The following EYS variants were observed in gnomAD, a reference collection of about 807,000 sequenced individuals.
EYS encodes the protein EGF-like photoreceptor maintenance factor, also known as protein eyes shut homolog.
In EYS, 250 loss-of-function variants were observed where a neutral mutation model predicts 282.1. The ratio of observed to expected loss-of-function variants is 0.89; its 90% CI spans 0.80 to 0.98. EYS has a LOEUF of 0.98. EYS is among the 50% of genes least tolerant of loss of function. The probability of loss-of-function intolerance (pLI) is 0.00; values close to 1 mark genes in which losing one functional copy is unlikely to be tolerated. For synonymous variants in EYS, 1,355 were observed against 1,282.9 expected (o/e 1.06, Z -1.20); for missense variants, 4,016 against 3,709.0 (o/e 1.08, Z -2.15).
At chr6:65,472,214 A>T (rs762688260) in intron 5 of EYS, among the ~76,000 whole-genome samples, 3 of 152,126 alleles carry the variant, frequency 2.0e-5, no homozygotes, top group East Asian at 1.9e-4. Flanking sequence ...CCAATGTTGA[A>T]GATGAAATGT....
intron 28 of EYS, among the ~76,000 whole-genome samples, chr6:64,425,504 A>G (rs1774374046): frequency 6.6e-6 from 1 of 151,978 alleles, no homozygotes; most frequent in African/African-American, 2.4e-5. Flanking sequence ...AAAATCCAAA[A>G]TTAGCCGGGT....
chr6:65,299,120 C>T (rs1195210317), intron 11 of EYS, among the ~76,000 whole-genome samples: 1 of 152,030 alleles, frequency 6.6e-6, no homozygotes, highest in East Asian at 1.9e-4. Flanking sequence ...GAATGCCGGG[C>T]TTCCCAAACA....
chr6:64,367,066 G>A lies in EYS; in HGVS notation c.6078+21624C>T, dbSNP rs556406417. Among the ~76,000 whole-genome samples, 21 of 152,096 alleles carry A rather than the reference G, an allele frequency of 1.4e-4. No homozygotes were observed. The East Asian group carries it at 3.7e-3, about 27-fold the overall frequency. The stretch of plus-strand genomic sequence containing the variant: ...AAAAAATAGTTACAGAACAATGGTC[G>A]AATCCCAAGTGATTTCACCAAATTT... On this transcript the variant is annotated intron_variant, in intron 29 of 42. Coordinates refer to ENST00000503581, the MANE Select transcript of EYS (RefSeq NM_001142800.2).
intron 35 of EYS, among the ~76,000 whole-genome samples, chr6:63,876,717 T>C (rs1321992039): frequency 6.6e-6 from 1 of 152,244 alleles, no homozygotes; most frequent in Non-Finnish European, 1.5e-5. Flanking sequence ...TTTAACATTA[T>C]ATAATGGCCT....
intron 22 of EYS, among the ~76,000 whole-genome samples, chr6:64,801,829 A>C (rs1233811348): frequency 1.3e-5 from 2 of 152,036 alleles, no homozygotes; most frequent in Non-Finnish European, 2.9e-5. Flanking sequence ...TGGACATGGT[A>C]GAAAGAAATG....
chr6:64,245,032 G>C (rs1028750576), intron 30 of EYS, among the ~76,000 whole-genome samples: 4 of 135,046 alleles, frequency 3.0e-5, no homozygotes, highest in African/African-American at 1.1e-4. Context: ...CTGTGTCCAA[G>C]TGTTCTCATT....
intron 13 of EYS, among the ~76,000 whole-genome samples, chr6:65,035,485 G>A (rs148877842): frequency 0.068 from 10,407 of 151,984 alleles, 451 homozygotes; most frequent in East Asian, 0.13. Flanking sequence ...CTTCAGTAAA[G>A]TTTCAGGATA....
chr6:65,473,802 T>C (rs2127244763), intron 5 of EYS, among the ~76,000 whole-genome samples: 1 of 150,748 alleles, frequency 6.6e-6, no homozygotes, highest in African/African-American at 2.4e-5. Context: ...AAATAAAATT[T>C]CCTCCACAGG....
chr6:64,325,561 G>A (rs1770384945), intron 29 of EYS, among the ~76,000 whole-genome samples: 1 of 152,102 alleles, frequency 6.6e-6, no homozygotes, highest in Non-Finnish European at 1.5e-5. Flanking sequence ...TCCAACCTAA[G>A]AAGAAATCTC....
At chr6:64,155,174 A>G (rs75345041) in intron 31 of EYS, among the ~76,000 whole-genome samples, 3,317 of 152,194 alleles carry the variant, frequency 0.022, 114 homozygotes, top group African/African-American at 0.075. Flanking sequence ...CTAGCCCTGG[A>G]GAGAATGATG....
intron 35 of EYS, among the ~76,000 whole-genome samples, chr6:63,972,589 G>T (rs1444867671): frequency 6.6e-6 from 1 of 151,910 alleles, no homozygotes; most frequent in African/African-American, 2.4e-5. Context: ...TGTGCAGAAC[G>T]TGCAGGTTTG....
At chr6:64,030,653 T>C (rs879450257) in intron 33 of EYS, among the ~76,000 whole-genome samples, 2 of 152,214 alleles carry the variant, frequency 1.3e-5, no homozygotes, top group Non-Finnish European at 2.9e-5. Context: ...TTGGGCAACA[T>C]GGCTTCTCCC....
intron 27 of EYS, among the ~76,000 whole-genome samples, chr6:64,438,313 A>T (rs1461277513): frequency 6.6e-6 from 1 of 151,750 alleles, no homozygotes; most frequent in Non-Finnish European, 1.5e-5. Context: ...ACATTGCTAA[A>T]AATTACAACA....
Position 63,720,829 on chromosome 6 carries a change from C to T in EYS, c.9202G>A (p.Glu3068Lys), listed in dbSNP as rs1241787129. 8 of 1,551,146 alleles carry T rather than the reference C, an allele frequency of 5.2e-6. No homozygotes were observed. Among genetic ancestry groups the T allele is most frequent in the Admixed American group, 2.0e-5 (1 of 50,944 alleles). The change falls in exon 43 of 43, where the codon GAG (glutamate) becomes AAG (lysine). Residue 3068 changes from glutamate (E) to lysine (K), a missense_variant. Coordinates refer to ENST00000503581, the MANE Select transcript of EYS (RefSeq NM_001142800.2). The part of the protein sequence containing the change: ...AYINNSLILS[E>K]DIDPHKNFVA... ...AAGTTTTTATGTGGATCAATATCCT[C>T]GGAAAGAATTAGACTGTTATTTATG...
chr6:64,369,155 C>T (rs953678665), intron 29 of EYS, among the ~76,000 whole-genome samples: 8 of 152,026 alleles, frequency 5.3e-5, no homozygotes, highest in Non-Finnish European at 1.2e-4. Context: ...ATAGTTATTC[C>T]AGCACCAGTT....
chr6:64,121,140 T>A (rs1371583478), intron 31 of EYS, among the ~76,000 whole-genome samples: 2 of 152,168 alleles, frequency 1.3e-5, no homozygotes, highest in Non-Finnish European at 2.9e-5. Context: ...GGAATGCATC[T>A]CTCCTCCTTC....
chr6:63,811,817 C>CA, intron 36 of EYS, among the ~76,000 whole-genome samples: 1 of 152,266 alleles, frequency 6.6e-6, no homozygotes, highest in African/African-American at 2.4e-5. Flanking sequence ...TTGCTCAGAG[C>CA]AAAACTAGGC....
chr6:64,491,646 A>T lies in EYS; in HGVS notation c.5645-52294T>A, dbSNP rs534735815. Among the ~76,000 whole-genome samples the T allele has an allele frequency of 3.3e-5, 5 of 151,118 alleles. No individual in the cohort carries two copies. In the East Asian group the frequency reaches 9.7e-4, roughly 29 times the overall value. ...ACTATCTTATAAAATAAGTACCATT[A>T]TCCTCTCTTTGCAGATGAGTAAACT... is the stretch of plus-strand genomic sequence containing the variant. On this transcript the variant is annotated intron_variant, in intron 26 of 42. Coordinates refer to ENST00000503581, the MANE Select transcript of EYS (RefSeq NM_001142800.2).
intron 2 of EYS, among the ~76,000 whole-genome samples, chr6:65,514,797 G>A (rs1767055545): frequency 6.6e-6 from 1 of 152,100 alleles, no homozygotes; most frequent in African/African-American, 2.4e-5. Context: ...ATTCAAGGTG[G>A]ATTAAAGACT....
Sources: gnomAD v4.1 joint callset for allele counts (sites outside exome capture counted in the v4.1 genomes callset) on GRCh38, gnomAD v4.1.1 for gene constraint, MANE v1.5 for transcripts, NCBI Gene and HGNC (gene_info 2026-07-23, HGNC 2026-07-21) for gene names.